CDC42BPA: variants seen among roughly 807,000 people sequenced by gnomAD.
CDC42BPA encodes serine/threonine-protein kinase MRCK alpha.
Under a neutral mutation model 223.5 loss-of-function variants are expected in CDC42BPA, and 80 were observed. The ratio of observed to expected loss-of-function variants is 0.36; its 90% CI spans 0.30 to 0.43. The LOEUF is 0.43. Among genes scored for constraint, CDC42BPA ranks in the 20% least tolerant of loss-of-function variants. The pLI is 1.00. For missense variants in CDC42BPA, 1,743 were observed against 2,099.9 expected, an observed-to-expected ratio of 0.83 and a Z score of 3.32; for synonymous variants, 694 against 718.6, an observed-to-expected ratio of 0.97 and a Z score of 0.55.
At chr1:227,140,961 G>A (rs1415152087) in intron 9 of CDC42BPA, among the ~76,000 whole-genome samples, 1 of 152,172 alleles carries the variant, frequency 6.6e-6, no homozygotes, top group Non-Finnish European at 1.5e-5. Context: ...GGGAAATCAG[G>A]AGGGATCAGG....
At chr1:227,266,020 T>C (rs551569412) in intron 1 of CDC42BPA, among the ~76,000 whole-genome samples, 9 of 152,342 alleles carry the variant, frequency 5.9e-5, no homozygotes, top group African/African-American at 2.2e-4. Context: ...CTTAAACAAA[T>C]GAATATCGTA....
At chr1:227,064,880 G>A (rs1053634819) in intron 21 of CDC42BPA, among the ~76,000 whole-genome samples, 2 of 152,036 alleles carry the variant, frequency 1.3e-5, no homozygotes, top group Non-Finnish European at 2.9e-5. Flanking sequence ...GGCAGATCAC[G>A]AAGTCAGGAG....
intron 8 of CDC42BPA, among the ~76,000 whole-genome samples, chr1:227,143,413 C>G (rs1307555362): frequency 1.3e-5 from 2 of 152,308 alleles, no homozygotes; most frequent in African/African-American, 4.8e-5. Context: ...CTCACATTCC[C>G]AGCTGAGGTT....
intron 2 of CDC42BPA, among the ~76,000 whole-genome samples, chr1:227,237,337 G>T (rs918109213): frequency 6.6e-6 from 1 of 152,088 alleles, no homozygotes; most frequent in African/African-American, 2.4e-5. Context: ...CCACTTATAA[G>T]TGTCACTCCC....
At chr1:227,175,600 C>A (rs1572146703) in intron 5 of CDC42BPA, among the ~76,000 whole-genome samples, 1 of 152,128 alleles carries the variant, frequency 6.6e-6, no homozygotes, top group Non-Finnish European at 1.5e-5. Context: ...CTCATTAAAA[C>A]TCATTAATAC....
chr1:227,079,581 CAGA>C (rs1366221632), intron 17 of CDC42BPA, among the ~76,000 whole-genome samples: 1 of 152,106 alleles, frequency 6.6e-6, no homozygotes, highest in Non-Finnish European at 1.5e-5. Context: ...GATTTTGCTT[CAGA>C]AATGCAGACT....
At chr1:227,207,275 T>C (rs1347828789) in intron 3 of CDC42BPA, among the ~76,000 whole-genome samples, 1 of 151,474 alleles carries the variant, frequency 6.6e-6, no homozygotes, top group Non-Finnish European at 1.5e-5. Context: ...TCACTTTTTA[T>C]GGCTGCATAG....
At chr1:227,260,052 G>C (rs935716688) in intron 1 of CDC42BPA, among the ~76,000 whole-genome samples, 1 of 148,640 alleles carries the variant, frequency 6.7e-6, no homozygotes, top group Non-Finnish European at 1.5e-5. Context: ...AAAAAAAAAG[G>C]TTTAGAAAGA....
intron 1 of CDC42BPA, among the ~76,000 whole-genome samples, chr1:227,287,895 G>C (rs1689059513): frequency 6.6e-6 from 1 of 152,160 alleles, no homozygotes. Context: ...TTCTCTGGCA[G>C]ACAATACTTC....
intron 1 of CDC42BPA, among the ~76,000 whole-genome samples, chr1:227,294,356 A>C (rs73098374): frequency 6.5e-4 from 99 of 152,280 alleles, no homozygotes; most frequent in African/African-American, 2.4e-3. Flanking sequence ...CGTAATTATC[A>C]AGATTTTACA....
intron 6 of CDC42BPA, among the ~76,000 whole-genome samples, chr1:227,148,582 C>T (rs1269140536): frequency 1.3e-5 from 2 of 151,620 alleles, no homozygotes; most frequent in Non-Finnish European, 2.9e-5. Context: ...CTGTCTAACA[C>T]AGTGAAACCC....
At chr1:227,170,083 T>G (rs77755024) in intron 5 of CDC42BPA, among the ~76,000 whole-genome samples, 1 of 152,214 alleles carries the variant, frequency 6.6e-6, no homozygotes, top group Middle Eastern at 3.4e-3. Context: ...CCCTTCAGCT[T>G]GAACCTGGAT....
chr1:227,218,443 T>G (rs1486408002), intron 2 of CDC42BPA, among the ~76,000 whole-genome samples: 1 of 152,242 alleles, frequency 6.6e-6, no homozygotes, highest in Non-Finnish European at 1.5e-5. Context: ...AAAAGCTTAT[T>G]CTGTGCCTAG....
At chr1:227,220,439 T>G (rs533951541) in intron 2 of CDC42BPA, among the ~76,000 whole-genome samples, 3 of 151,122 alleles carry the variant, frequency 2.0e-5, no homozygotes, top group Non-Finnish European at 4.4e-5. Context: ...TATTGCTTTT[T>G]ATTTCCATAG....
chr1:227,054,785 T>C (rs2148896914), intron 21 of CDC42BPA, among the ~76,000 whole-genome samples: 1 of 152,222 alleles, frequency 6.6e-6, no homozygotes, highest in South Asian at 2.1e-4. Context: ...AGGTAAAAGG[T>C]GGTTATTCAG....
intron 1 of CDC42BPA, among the ~76,000 whole-genome samples, chr1:227,294,195 C>A (rs1380750827): frequency 6.6e-6 from 1 of 151,692 alleles, no homozygotes; most frequent in Non-Finnish European, 1.5e-5. Flanking sequence ...TGGCATGAAC[C>A]CGGGAGGCAG....
At chr1:227,225,130 T>TTTTGGTAAG (rs1676634300) in intron 2 of CDC42BPA, among the ~76,000 whole-genome samples, 1 of 152,162 alleles carries the variant, frequency 6.6e-6, no homozygotes, top group African/African-American at 2.4e-5. Flanking sequence ...GGAAAAAGAC[T>TTTTGGTAAG]AAATATTTGG....
Position 226,991,021 on chromosome 1 carries a change from TAAC to T in CDC42BPA, c.*3244_*3246del, listed in dbSNP as rs1053896450. The T allele has an allele frequency of 2.0e-5, 3 of 152,548 alleles. No homozygotes were observed. Among genetic ancestry groups the T allele is most frequent in the African/African-American group, 4.8e-5 (2 of 41,416 alleles). 9.4% of individuals were successfully genotyped at this position (152,548 alleles called of 1,614,324 possible). A position where few individuals can be genotyped will look rare whatever the true frequency, so the allele number is the denominator to read the frequency against. On this transcript the variant is annotated 3_prime_UTR_variant, in exon 37 of 37. Coordinates refer to ENST00000366766, the MANE Select transcript of CDC42BPA (RefSeq NM_001394014.1). ...GGGATGTGTATAAATACATACATAA[TAAC>T]AAAAAATGTAAGATCTACTTTAGCA...
chr1:227,068,485 C>T lies in CDC42BPA; in HGVS notation c.2904+1292G>A, dbSNP rs1314634362. 7 of 181,188 alleles carry T rather than the reference C, an allele frequency of 3.9e-5. No individual in the cohort carries two copies. The East Asian group carries it at 9.1e-4, about 23-fold the overall frequency. The allele number at this position is 181,188 out of a possible 1,614,324, so 11.2% of individuals were successfully genotyped here. On this transcript the variant is annotated intron_variant, in intron 21 of 36. Transcript: ENST00000366766. The stretch of plus-strand genomic sequence containing the variant: ...AATTTTTACTTCATTATGTTTAATA[C>T]TGATAAATCCTTCATTATATTTAAG...
Sources: allele counts gnomAD v4.1 joint callset (sites outside exome capture counted in the v4.1 genomes callset), GRCh38; gene constraint gnomAD v4.1.1; transcripts MANE v1.5; gene names NCBI Gene and HGNC (gene_info 2026-07-23, HGNC 2026-07-21).